Variants in RBFOX1 observed in about 807,000 individuals in gnomAD.
RBFOX1 encodes the protein RNA binding protein fox-1 homolog 1.
A neutral mutation model predicts 57.7 loss-of-function variants in RBFOX1; 8 were observed. The ratio of observed to expected loss-of-function variants is 0.14; its 90% CI spans 0.08 to 0.25. The LOEUF is 0.25. RBFOX1 is among the 10% of genes least tolerant of loss of function. The pLI, the probability that RBFOX1 is intolerant of heterozygous loss-of-function variation, is 1.00. For synonymous variants in RBFOX1, 326 were observed against 222.4 expected (o/e 1.47, Z -4.15); for missense variants, 611 against 548.5 (o/e 1.11, Z -1.14).
At chr16:5,643,319 C>A (rs1414272089) in intron 3 of RBFOX1, among the ~76,000 whole-genome samples, 1 of 152,176 alleles carries the variant, frequency 6.6e-6, no homozygotes, top group Non-Finnish European at 1.5e-5. Flanking sequence ...TAGGGTGTGG[C>A]TGCCCCCTGC....
chr16:6,922,005 C>T (rs749848892), intron 3 of RBFOX1, among the ~76,000 whole-genome samples: 2 of 152,164 alleles, frequency 1.3e-5, no homozygotes, highest in Non-Finnish European at 2.9e-5. Context: ...CAATGCCTAA[C>T]ACCTTGTGGC....
At chr16:6,231,875 G>A (rs535605117) in intron 1 of RBFOX1, among the ~76,000 whole-genome samples, 2 of 127,970 alleles carry the variant, frequency 1.6e-5, no homozygotes, top group South Asian at 4.9e-4. Context: ...TAAAAATGCA[G>A]CAATAATTGA....
At chr16:5,688,064 C>A (rs2050558648) in intron 3 of RBFOX1, among the ~76,000 whole-genome samples, 1 of 152,132 alleles carries the variant, frequency 6.6e-6, no homozygotes, top group Admixed American at 6.5e-5. Flanking sequence ...GGTCAAGCTC[C>A]CCAGCTGACC....
chr16:6,870,072 A>G (rs866615967), intron 3 of RBFOX1, among the ~76,000 whole-genome samples: 1 of 152,146 alleles, frequency 6.6e-6, no homozygotes, highest in East Asian at 1.9e-4. Flanking sequence ...TAAACTGACA[A>G]TTTACTAATC....
chr16:7,332,660 G>C, intron 4 of RBFOX1: 12 of 627,008 alleles, frequency 1.9e-5, no homozygotes, highest in Non-Finnish European at 2.6e-5. Context: ...TGGTCTCTTG[G>C]TCTCTCTCTC....
At chr16:6,848,959 T>C (rs2093916949) in intron 3 of RBFOX1, among the ~76,000 whole-genome samples, 1 of 152,184 alleles carries the variant, frequency 6.6e-6, no homozygotes, top group African/African-American at 2.4e-5. Flanking sequence ...CCTTGCTTCA[T>C]GCACGCTTAA....
intron 4 of RBFOX1, among the ~76,000 whole-genome samples, chr16:7,164,709 C>G (rs1326178278): frequency 6.6e-6 from 1 of 152,148 alleles, no homozygotes; most frequent in African/African-American, 2.4e-5. Flanking sequence ...TTCAGTTTTC[C>G]CCTACCTCAT....
intron 2 of RBFOX1, among the ~76,000 whole-genome samples, chr16:6,526,787 A>C (rs1262617891): frequency 7.7e-6 from 1 of 130,272 alleles, no homozygotes; most frequent in Non-Finnish European, 1.6e-5. Flanking sequence ...CCGAGATTGC[A>C]CTACCACACT....
chr16:7,161,965 C>T (rs1776767927), intron 4 of RBFOX1, among the ~76,000 whole-genome samples: 1 of 152,164 alleles, frequency 6.6e-6, no homozygotes, highest in Non-Finnish European at 1.5e-5. Context: ...GGCAATGAAC[C>T]ACTAAAAACA....
intron 3 of RBFOX1, among the ~76,000 whole-genome samples, chr16:6,655,373 CAAAAAAAAAAAAAAAAAAAAAAAA>C (rs71406388): frequency 5.9e-5 from 2 of 33,686 alleles, no homozygotes; most frequent in Non-Finnish European, 1.1e-4. Flanking sequence ...GCCTCCGTTT[CAAAAAAAAAAAAAAAAAAAAAAAA>C]AAAAAAGAGC....
intron 4 of RBFOX1, among the ~76,000 whole-genome samples, chr16:7,217,681 G>C (rs1437610855): frequency 2.6e-5 from 4 of 152,196 alleles, no homozygotes; most frequent in Admixed American, 1.3e-4. Context: ...ATAGGGGGAA[G>C]GATTTTTTTG....
At chr16:6,139,530 C>G (rs1207503229) in intron 1 of RBFOX1, among the ~76,000 whole-genome samples, 1 of 152,098 alleles carries the variant, frequency 6.6e-6, no homozygotes, top group Non-Finnish European at 1.5e-5. Flanking sequence ...TGCTCAATCC[C>G]AAGAGCCCAC....
At chr16:5,730,388 T>C (rs1287728884) in intron 3 of RBFOX1, among the ~76,000 whole-genome samples, 3 of 151,974 alleles carry the variant, frequency 2.0e-5, no homozygotes, top group African/African-American at 7.2e-5. Flanking sequence ...GCAAGCACCG[T>C]CTCCCTGAGA....
intron 2 of RBFOX1, among the ~76,000 whole-genome samples, chr16:6,611,203 A>G (rs1161319439): frequency 6.6e-6 from 1 of 152,140 alleles, no homozygotes; most frequent in African/African-American, 2.4e-5. Context: ...CTGGAGTATA[A>G]TGGTGCAATC....
intron 1 of RBFOX1, among the ~76,000 whole-genome samples, chr16:6,199,585 T>A (rs553384024): frequency 6.6e-6 from 1 of 152,346 alleles, no homozygotes; most frequent in East Asian, 1.9e-4. Flanking sequence ...GTCTTTAATC[T>A]GTTTAATAAT....
chr16:7,119,176 T>C (rs1387128909), intron 4 of RBFOX1, among the ~76,000 whole-genome samples: 2 of 152,308 alleles, frequency 1.3e-5, no homozygotes, highest in Middle Eastern at 3.4e-3. Context: ...ACTAGAAACC[T>C]ACACCACAGA....
Position 6,019,435 on chromosome 16 carries a change from C to A in RBFOX1, c.-684C>A. 1 of 988,860 alleles carries A rather than the reference C, an allele frequency of 1.0e-6. No homozygotes were observed. The highest frequency in any genetic ancestry group is 1.2e-6 in the Non-Finnish European group (1 of 832,488). 61.3% of individuals were successfully genotyped at this position (988,860 alleles called of 1,614,324 possible). A position where few individuals can be genotyped will look rare whatever the true frequency, so the allele number is the denominator to read the frequency against. On this transcript the variant is annotated 5_prime_UTR_variant, in exon 1 of 16. Transcript: ENST00000550418. This position sits in a 1 kb window ranked among gnomAD's most constrained non-coding sequence, Gnocchi z 4.2. ...CGGACGGCGGACGGAGCCCAGGGGC[C>A]GCGTCGGGTGGGGAAACCCGAACTC...
chr16:6,937,967 C>A (rs1442364641), intron 3 of RBFOX1, among the ~76,000 whole-genome samples: 2 of 110,550 alleles, frequency 1.8e-5, no homozygotes, highest in African/African-American at 7.5e-5. Flanking sequence ...GAGGAGAGGT[C>A]CATTTAGATG....
intron 4 of RBFOX1, among the ~76,000 whole-genome samples, chr16:7,103,315 G>C (rs948726460): frequency 3.9e-5 from 6 of 152,204 alleles, no homozygotes; most frequent in African/African-American, 1.4e-4. Flanking sequence ...ATAGCAATGA[G>C]TAATCATTGT....
Sources: allele counts gnomAD v4.1 joint callset (sites outside exome capture counted in the v4.1 genomes callset), GRCh38; gene constraint gnomAD v4.1.1; non-coding constraint Gnocchi (gnomAD v3.1); transcripts MANE v1.5; gene names NCBI Gene and HGNC (gene_info 2026-07-23, HGNC 2026-07-21).